Variants in MUC7 observed in about 807,000 individuals in gnomAD.
MUC7 encodes the protein mucin 7, secreted, also known as mucin-7.
Under a neutral mutation model 2.5 loss-of-function variants are expected in MUC7, and 2 were observed. The ratio of observed to expected loss-of-function variants is 0.81; its 90% CI spans 0.33 to 2.55. MUC7 has a LOEUF of 2.55. Among genes scored for constraint, MUC7 ranks in the 30% most tolerant of loss-of-function variants. MUC7 has a pLI of 0.11. For synonymous variants in MUC7, 133 were observed against 173.4 expected (o/e 0.77, Z 1.83); for missense variants, 408 against 455.6 (o/e 0.90, Z 0.95).
At chr4:70,442,867 C>T (rs1331727178) in intron 1 of MUC7, among the ~76,000 whole-genome samples, 1 of 152,208 alleles carries the variant, frequency 6.6e-6, no homozygotes, top group Non-Finnish European at 1.5e-5. Flanking sequence ...TTCACATCAG[C>T]AAGTACCTTC....
At chr4:70,432,260 T>C (rs4694060) in intron 1 of MUC7, among the ~76,000 whole-genome samples, 111,882 of 152,168 alleles carry the variant, frequency 0.74, 41,670 homozygotes, top group Admixed American at 0.82. Context: ...TGGGTATATA[T>C]CCAGTAGTGG....
intron 1 of MUC7, among the ~76,000 whole-genome samples, chr4:70,437,564 GA>G (rs1733878567): frequency 6.6e-6 from 1 of 152,216 alleles, no homozygotes; most frequent in South Asian, 2.1e-4. Flanking sequence ...TGCTGGTTGG[GA>G]AGACCATGGT....
upstream of MUC7, among the ~76,000 whole-genome samples, chr4:70,469,158 A>C (rs1281032619): frequency 1.3e-5 from 2 of 152,370 alleles, no homozygotes; most frequent in East Asian, 3.9e-4. Context: ...AAATGGCAAA[A>C]GGATTCCCTA....
upstream of MUC7, among the ~76,000 whole-genome samples, chr4:70,470,687 G>A (rs1734814857): frequency 6.6e-6 from 1 of 151,980 alleles, no homozygotes; most frequent in African/African-American, 2.4e-5. Context: ...AGAAAAGCTT[G>A]TTCAGATCAA....
intron 1 of MUC7, among the ~76,000 whole-genome samples, chr4:70,441,928 T>C (rs1734016791): frequency 6.6e-6 from 1 of 152,190 alleles, no homozygotes; most frequent in African/African-American, 2.4e-5. Flanking sequence ...GAAAATATAC[T>C]GTCTTAAAGG....
intron 1 of MUC7, among the ~76,000 whole-genome samples, chr4:70,454,025 C>A (rs572232216): frequency 6.8e-4 from 103 of 152,038 alleles, no homozygotes; most frequent in African/African-American, 2.5e-3. Flanking sequence ...AAATACAAGA[C>A]AAAATCCTCT....
intron 1 of MUC7, among the ~76,000 whole-genome samples, chr4:70,444,267 C>T (rs1341471376): frequency 6.6e-6 from 1 of 152,216 alleles, no homozygotes; most frequent in Non-Finnish European, 1.5e-5. Flanking sequence ...CCATCAGCTT[C>T]CACACCTGCT....
intron 1 of MUC7, among the ~76,000 whole-genome samples, chr4:70,431,033 G>T (rs1215526229): frequency 6.6e-6 from 1 of 152,014 alleles, no homozygotes; most frequent in Non-Finnish European, 1.5e-5. Flanking sequence ...ATAATTCACT[G>T]TATGGGGAGC....
At chr4:70,458,489 T>C (rs1734465668) in intron 1 of MUC7, among the ~76,000 whole-genome samples, 1 of 152,116 alleles carries the variant, frequency 6.6e-6, no homozygotes, top group Non-Finnish European at 1.5e-5. Context: ...TACATGTGCA[T>C]TGTATAATTT....
intron 1 of MUC7, among the ~76,000 whole-genome samples, chr4:70,436,485 T>C (rs182986760): frequency 6.6e-6 from 1 of 152,186 alleles, no homozygotes; most frequent in Non-Finnish European, 1.5e-5. Context: ...CTTCGCTTGA[T>C]AAAATCGGCT....
chr4:70,463,842 G>A (rs114272611), intron 1 of MUC7, among the ~76,000 whole-genome samples: 2,064 of 152,208 alleles, frequency 0.014, 50 homozygotes, highest in African/African-American at 0.048. Flanking sequence ...ACACCAAGTC[G>A]GCCAGATCTT....
At chr4:70,474,166 C>A in intron 2 of MUC7, 91 bp downstream of exon 2, 1 of 1,009,068 alleles carries the variant, frequency 9.9e-7, no homozygotes, top group Non-Finnish European at 1.5e-6. Flanking sequence ...TAATAGGCAA[C>A]CCCTATTTCC....
intron 2 of MUC7, among the ~76,000 whole-genome samples, chr4:70,479,817 T>G (rs1735115009): frequency 6.6e-6 from 1 of 152,200 alleles, no homozygotes; most frequent in Non-Finnish European, 1.5e-5. Context: ...TCTGTAAATC[T>G]GCCAAAACAA....
chr4:70,446,157 G>A (rs950392448), intron 1 of MUC7, among the ~76,000 whole-genome samples: 2 of 152,138 alleles, frequency 1.3e-5, no homozygotes, highest in Admixed American at 1.3e-4. Flanking sequence ...AATATATTAT[G>A]TGCATGGGTT....
intron 1 of MUC7, among the ~76,000 whole-genome samples, chr4:70,435,397 G>A (rs1733800503): frequency 6.6e-6 from 1 of 152,220 alleles, no homozygotes; most frequent in South Asian, 2.1e-4. Flanking sequence ...TGTATTGGGT[G>A]TGTATATATT....
intron 1 of MUC7, among the ~76,000 whole-genome samples, chr4:70,450,065 G>A (rs1734243237): frequency 6.6e-6 from 1 of 152,200 alleles, no homozygotes; most frequent in East Asian, 1.9e-4. Flanking sequence ...CCCCAGATGG[G>A]TCCAGAAGTG....
At chr4:70,464,306 C>G (rs550687848) in intron 1 of MUC7, among the ~76,000 whole-genome samples, 2 of 152,120 alleles carry the variant, frequency 1.3e-5, no homozygotes, top group Non-Finnish European at 2.9e-5. Context: ...GGGTTTCAAG[C>G]GCAAAATTGG....
Position 70,481,809 on chromosome 4 carries a change from A to G in MUC7, c.1065A>G (p.Lys355=). 1.2e-6 allele frequency: 2 copies of G among 1,614,132 alleles called. No individual in the cohort carries two copies. Among genetic ancestry groups the G allele is most frequent in the Non-Finnish European group, 1.7e-6 (2 of 1,180,000 alleles). Residue 355 remains lysine (K), a synonymous_variant, in exon 3 of 3, where the codon AAA becomes AAG. Transcript: ENST00000304887. ...CAACTTCAGCTCCTGGCCAAAATAA[A>G]ATTTCTCGATTTCTTTTATATATGA... The part of the protein sequence containing the change: ...KQPTSAPGQN[K]ISRFLLYMKN...
At chr4:70,441,975 G>C (rs2109706080) in intron 1 of MUC7, among the ~76,000 whole-genome samples, 1 of 152,212 alleles carries the variant, frequency 6.6e-6, no homozygotes, top group East Asian at 1.9e-4. Flanking sequence ...CTCTAGACAG[G>C]AAGATTCAAA....
Sources: allele counts gnomAD v4.1 joint callset (sites outside exome capture counted in the v4.1 genomes callset), GRCh38; gene constraint gnomAD v4.1.1; transcripts MANE v1.5; gene names NCBI Gene and HGNC (gene_info 2026-07-23, HGNC 2026-07-21).